DLGAP2: variants seen among roughly 807,000 people sequenced by gnomAD.
The protein encoded by DLGAP2 is disks large-associated protein 2.
A neutral mutation model predicts 100.3 loss-of-function variants in DLGAP2; 26 were observed. That is an observed-to-expected ratio of 0.26 (90% CI 0.19 to 0.36). The LOEUF is 0.36. DLGAP2 is among the 10% of genes least tolerant of loss of function. The probability of loss-of-function intolerance (pLI) is 1.00; values close to 1 mark genes in which losing one functional copy is unlikely to be tolerated. For missense variants in DLGAP2, 1,858 were observed against 1,453.2 expected, an observed-to-expected ratio of 1.28 and a Z score of -4.53; for synonymous variants, 886 against 630.1, an observed-to-expected ratio of 1.41 and a Z score of -6.08.
At chr8:906,761 C>G (rs1743665319) in intron 1 of DLGAP2, among the ~76,000 whole-genome samples, 1 of 152,206 alleles carries the variant, frequency 6.6e-6, no homozygotes, top group Non-Finnish European at 1.5e-5. Context: ...ACAGGCAGCT[C>G]TGTGCACATG....
chr8:1,601,537 G>A (rs1466757743), intron 6 of DLGAP2, among the ~76,000 whole-genome samples: 1 of 152,202 alleles, frequency 6.6e-6, no homozygotes, highest in Non-Finnish European at 1.5e-5. Context: ...AGCCCTGACT[G>A]GGGCTGCTGC....
intron 6 of DLGAP2, among the ~76,000 whole-genome samples, chr8:1,590,464 G>A (rs1796258003): frequency 6.6e-6 from 1 of 152,122 alleles, no homozygotes; most frequent in South Asian, 2.1e-4. Context: ...TCTCCAGCTG[G>A]GTGACCATGG....
At chr8:896,272 T>G (rs1798139489) in intron 1 of DLGAP2, among the ~76,000 whole-genome samples, 1 of 151,716 alleles carries the variant, frequency 6.6e-6, no homozygotes, top group African/African-American at 2.4e-5. Flanking sequence ...CTCCAGGGTT[T>G]GTTGGATGGG....
chr8:1,245,131 A>G (rs762792177), intron 2 of DLGAP2, among the ~76,000 whole-genome samples: 21 of 152,236 alleles, frequency 1.4e-4, no homozygotes, highest in Non-Finnish European at 8.8e-5. Context: ...TGGAACCTTC[A>G]TACACGACCT....
chr8:880,770 A>C (rs1360742639), intron 1 of DLGAP2, among the ~76,000 whole-genome samples: 1 of 152,194 alleles, frequency 6.6e-6, no homozygotes, highest in African/African-American at 2.4e-5. Flanking sequence ...CTCTCCTGAG[A>C]ATGTCCCCAT....
intron 5 of DLGAP2, among the ~76,000 whole-genome samples, chr8:1,558,665 A>G (rs946133768): frequency 2.0e-5 from 3 of 151,856 alleles, no homozygotes; most frequent in Non-Finnish European, 1.5e-5. Flanking sequence ...ACATATGCAC[A>G]TAGGCATGCA....
chr8:1,364,088 C>G (rs1255349662), intron 3 of DLGAP2, among the ~76,000 whole-genome samples: 3 of 152,208 alleles, frequency 2.0e-5, no homozygotes, highest in Non-Finnish European at 4.4e-5. Flanking sequence ...GCAGACCCCA[C>G]CTTTGGGATA....
At chr8:1,207,550 G>A (rs546657953) in intron 2 of DLGAP2, among the ~76,000 whole-genome samples, 15 of 152,206 alleles carry the variant, frequency 9.9e-5, no homozygotes, top group African/African-American at 3.4e-4. Context: ...GATCTTTTTC[G>A]TATAATGAGC....
chr8:1,582,284 A>G (rs1025414021), intron 6 of DLGAP2, among the ~76,000 whole-genome samples: 2 of 150,392 alleles, frequency 1.3e-5, no homozygotes, highest in Admixed American at 1.3e-4. Context: ...CAGTCAAACT[A>G]CCAGAAGTGA....
intron 1 of DLGAP2, among the ~76,000 whole-genome samples, chr8:764,433 G>C (rs913825243): frequency 2.0e-5 from 3 of 152,064 alleles, no homozygotes; most frequent in Non-Finnish European, 2.9e-5. Context: ...TATATACTTT[G>C]TCACTTCGCT....
chr8:1,249,271 A>C (rs1393284861), intron 2 of DLGAP2, among the ~76,000 whole-genome samples: 1 of 152,088 alleles, frequency 6.6e-6, no homozygotes, highest in African/African-American at 2.4e-5. Flanking sequence ...GAAATGGGCC[A>C]CTGGGCCTCT....
At chr8:1,440,216 C>T (rs998340494) in intron 3 of DLGAP2, among the ~76,000 whole-genome samples, 8 of 152,038 alleles carry the variant, frequency 5.3e-5, no homozygotes, top group Non-Finnish European at 1.0e-4. Context: ...CAGACATAGC[C>T]CTAAATTGTG....
chr8:814,837 C>A (rs1348032662), intron 1 of DLGAP2, among the ~76,000 whole-genome samples: 3 of 96,368 alleles, frequency 3.1e-5, no homozygotes, highest in Admixed American at 1.7e-4. Context: ...GGCAACAGAG[C>A]AAGACTCCGT....
chr8:1,142,177 G>A (rs1023680118), intron 2 of DLGAP2, among the ~76,000 whole-genome samples: 1 of 151,938 alleles, frequency 6.6e-6, no homozygotes, highest in African/African-American at 2.4e-5. Flanking sequence ...AGATCTTTAA[G>A]GTTCTGAGAG....
At position 1,034,025 on chromosome 8, in the gene DLGAP2, A is replaced by G. The variant is rs34950052; in HGVS notation, c.73+126059A>G. Among the ~76,000 whole-genome samples the G allele has an allele frequency of 1.5e-3, 129 of 84,642 alleles. No individual in the cohort carries two copies. The Middle Eastern group carries it at 0.033, about 21-fold the overall frequency. The allele number at this position is 84,642 out of a possible 152,430, so 55.5% of individuals were successfully genotyped here. A position where few individuals can be genotyped will look rare whatever the true frequency, so the allele number is the denominator to read the frequency against. ...CGACCCCGCGTGTCACCGCGAGTGG[A>G]TTCACACGCTCATCCCGACCCCGCG... On this transcript the variant is annotated intron_variant, in intron 2 of 14. Transcript: ENST00000637795.
chr8:1,227,361 T>C (rs1309895246), intron 2 of DLGAP2, among the ~76,000 whole-genome samples: 1 of 151,368 alleles, frequency 6.6e-6, no homozygotes, highest in African/African-American at 2.4e-5. Context: ...GAAATAAGAA[T>C]AGCAACTCTT....
intron 2 of DLGAP2, among the ~76,000 whole-genome samples, chr8:925,460 C>A (rs1327980961): frequency 6.6e-6 from 1 of 152,032 alleles, no homozygotes; most frequent in African/African-American, 2.4e-5. Context: ...TGTGTGGAGG[C>A]TGGACAGGGC....
At chr8:1,433,640 T>C (rs1348888705) in intron 3 of DLGAP2, among the ~76,000 whole-genome samples, 1 of 151,960 alleles carries the variant, frequency 6.6e-6, no homozygotes, top group Non-Finnish European at 1.5e-5. Context: ...ATTTTTTCTG[T>C]ATCCACAAAC....
At position 1,678,200 on chromosome 8, in the gene DLGAP2, C is replaced by A; in HGVS notation, c.2289-14C>A. On this transcript the variant is annotated splice_polypyrimidine_tract_variant and intron_variant, in intron 11 of 14. Transcript: ENST00000637795. ...AGAAGGGCTACCATCTGTCTTCCTTCCCTCCTTTTGCAGACACGGACGTTT... is the reference window on the plus strand; with the variant it reads ...AGAAGGGCTACCATCTGTCTTCCTTACCTCCTTTTGCAGACACGGACGTTT... The A allele has an allele frequency of 6.3e-7, 1 of 1,596,798 alleles. No homozygotes were observed. The highest frequency in any genetic ancestry group is 1.7e-5 in the Admixed American group (1 of 59,146).
Sources: allele counts gnomAD v4.1 joint callset (sites outside exome capture counted in the v4.1 genomes callset), GRCh38; gene constraint gnomAD v4.1.1; transcripts MANE v1.5; gene names NCBI Gene and HGNC (gene_info 2026-07-23, HGNC 2026-07-21).